Variants in UBLCP1 observed in about 807,000 individuals in gnomAD.
The protein encoded by UBLCP1 is ubiquitin like domain containing CTD phosphatase 1, also known as ubiquitin-like domain-containing CTD phosphatase 1.
In UBLCP1, 28 loss-of-function variants were observed where a neutral mutation model predicts 42.4. The ratio of observed to expected loss-of-function variants is 0.66; its 90% confidence interval spans 0.49 to 0.90. UBLCP1 has a LOEUF of 0.90. UBLCP1 is among the 40% of genes least tolerant of loss of function. The probability of loss-of-function intolerance (pLI) is 0.00; values close to 1 mark genes in which losing one functional copy is unlikely to be tolerated. For synonymous variants in UBLCP1, 122 were observed against 120.8 expected, an observed-to-expected ratio of 1.01 and a Z score of -0.07; for missense variants, 279 against 374.5, an observed-to-expected ratio of 0.75 and a Z score of 2.10.
rs1193919800 is a variant in UBLCP1, at chr5:159,272,049, G to A, written c.475G>A (p.Val159Ile). The A allele has an allele frequency of 1.2e-6, 2 of 1,613,316 alleles. No individual in the cohort carries two copies. Among genetic ancestry groups the A allele is most frequent in the East Asian group, 4.5e-5 (2 of 44,798 alleles). The change falls in exon 6 of 11, where the codon GTA becomes ATA. Residue 159 changes from valine to isoleucine, a missense_variant. Coordinates refer to ENST00000296786, the MANE Select transcript of UBLCP1 (RefSeq NM_145049.5). ...CCACAGGTCTTGTGCAGAGACTGGGGTAGAATTAATGCGGCCATATCTTCA... is the reference window on the plus strand; with the variant it reads ...CCACAGGTCTTGTGCAGAGACTGGGATAGAATTAATGCGGCCATATCTTCA... ...FDHRSCAETG[V>I]ELMRPYLHEF...
intron 6 of UBLCP1, 172 bp from the exon 7 acceptor site, chr5:159,274,413 G>C (rs1301411700): frequency 1.9e-6 from 1 of 526,900 alleles, no homozygotes; most frequent in Non-Finnish European, 3.4e-6. Context: ...ACACACTGCA[G>C]TAAGTTTACT....
At chr5:159,283,690 C>G (rs994162448) in intron 10 of UBLCP1, among the ~76,000 whole-genome samples, 1 of 151,996 alleles carries the variant, frequency 6.6e-6, no homozygotes, top group Non-Finnish European at 1.5e-5. Flanking sequence ...CATACTGTAA[C>G]TTAATGTCAG....
In UBLCP1 at chr5:159,285,244, A is replaced by ACACACAC. The variant is rs1491169745; in HGVS notation, c.*313_*314insCACACAC. ...CACACACACACACACACACACACAC[A>ACACACAC]AAGTGGAGAAAAATGTATACTCAAC... On this transcript the variant is annotated 3_prime_UTR_variant, in exon 11 of 11. Coordinates refer to ENST00000296786, the MANE Select transcript of UBLCP1 (RefSeq NM_145049.5). 6.5e-4 allele frequency: 89 copies of ACACACAC among 137,594 alleles called. 12 individuals carry two copies. Among genetic ancestry groups the ACACACAC allele is most frequent in the East Asian group, 2.7e-3 (17 of 6,378 alleles). 8.5% of individuals were successfully genotyped at this position (137,594 alleles called of 1,614,324 possible).
At chr5:159,267,020 C>T (rs1037062995) in intron 1 of UBLCP1, among the ~76,000 whole-genome samples, 3 of 152,198 alleles carry the variant, frequency 2.0e-5, no homozygotes, top group African/African-American at 7.2e-5. Context: ...AGCCCCCATA[C>T]AGAGTCCCTA....
intron 8 of UBLCP1, among the ~76,000 whole-genome samples, chr5:159,275,621 C>G (rs765583690): frequency 6.6e-6 from 1 of 151,986 alleles, no homozygotes; most frequent in Non-Finnish European, 1.5e-5. Flanking sequence ...CTGTTGTTAG[C>G]CAGGATGGTC....
intron 1 of UBLCP1, among the ~76,000 whole-genome samples, chr5:159,267,488 C>T (rs1753413590): frequency 6.6e-6 from 1 of 152,150 alleles, no homozygotes; most frequent in East Asian, 1.9e-4. Context: ...AGACTTTGGA[C>T]TGTGGACTTT....
At chr5:159,271,699 AGTTT>A (rs957558605) in intron 5 of UBLCP1, among the ~76,000 whole-genome samples, 29 of 152,212 alleles carry the variant, frequency 1.9e-4, no homozygotes, top group African/African-American at 7.0e-4. Flanking sequence ...AAGTGGACAT[AGTTT>A]GTTTTTCATT....
chr5:159,263,987 A>C (rs1037060035), intron 1 of UBLCP1, among the ~76,000 whole-genome samples: 28 of 152,336 alleles, frequency 1.8e-4, no homozygotes, highest in African/African-American at 6.0e-4. Context: ...AGGATTGTGA[A>C]GCTTCAATGA....
intron 6 of UBLCP1, among the ~76,000 whole-genome samples, chr5:159,273,299 T>C (rs970198975): frequency 3.3e-5 from 5 of 152,364 alleles, no homozygotes; most frequent in East Asian, 3.9e-4. Context: ...ACTAGACTTA[T>C]AAAATTTGAG....
At position 159,283,804 on chromosome 5, in the gene UBLCP1, AT is replaced by A. The variant is rs1295479478; in HGVS notation, c.929+467del. 2.0e-5 allele frequency among the ~76,000 whole-genome samples: 3 copies of A among 152,122 alleles called. No individual in the cohort carries two copies. In the East Asian group the frequency reaches 5.8e-4, roughly 29 times the overall value. On this transcript the variant is annotated intron_variant, in intron 10 of 10. Coordinates refer to ENST00000296786, the MANE Select transcript of UBLCP1 (RefSeq NM_145049.5). ...AAAAGTTTATCCTACTAAAAAAACAATTACTCATAATTTTCCTTTTTAAAGA... is the reference window on the plus strand; with the variant it reads ...AAAAGTTTATCCTACTAAAAAAACAATACTCATAATTTTCCTTTTTAAAGA...
chr5:159,278,210 T>G (rs774564045), intron 8 of UBLCP1, 28 bp from the exon 9 acceptor site: 3 of 1,467,710 alleles, frequency 2.0e-6, no homozygotes, highest in South Asian at 1.1e-5. Context: ...TGATAAAATT[T>G]GAGTTAAATG....
intron 7 of UBLCP1, 131 bp downstream of exon 7, chr5:159,274,753 G>A (rs1753512721): frequency 2.7e-6 from 2 of 748,254 alleles, no homozygotes; most frequent in Non-Finnish European, 2.2e-6. Context: ...ATTATTGGGA[G>A]TAGAGGTGTT....
intron 10 of UBLCP1, 115 bp downstream of exon 10, chr5:159,283,454 G>A: frequency 1.1e-6 from 1 of 914,096 alleles, no homozygotes; most frequent in Non-Finnish European, 1.6e-6. Flanking sequence ...TAAAATAGGT[G>A]ACTTCTAAAA....
At chr5:159,264,657 C>A (rs1426095085) in intron 1 of UBLCP1, among the ~76,000 whole-genome samples, 1 of 152,204 alleles carries the variant, frequency 6.6e-6, no homozygotes, top group East Asian at 1.9e-4. Flanking sequence ...GCCTGTAGTA[C>A]TGACTCTCAA....
In UBLCP1 at chr5:159,278,273, G is replaced by A. The variant is rs1191047346; in HGVS notation, c.720G>A (p.Ser240=). The A allele has an allele frequency of 1.8e-5, 29 of 1,613,538 alleles. No homozygotes were observed. Among genetic ancestry groups the A allele is most frequent in the East Asian group, 6.7e-5 (3 of 44,838 alleles). ...TTGGTGTTATATGGGGAAAGTTTTC[G>A]GAGTTTTACAGCAAGAAAAACACCA... The part of the protein sequence containing the change: ...KPLGVIWGKF[S]EFYSKKNTIM... Residue 240 remains serine, a synonymous_variant, in exon 9 of 11, where the codon TCG becomes TCA. Transcript: ENST00000296786.
Position 159,278,235 on chromosome 5 carries a change from A to C in UBLCP1, c.685-3A>C, listed in dbSNP as rs1330682829. The C allele has an allele frequency of 6.3e-7, 1 of 1,594,342 alleles. No homozygotes were observed. Among genetic ancestry groups the C allele is most frequent in the Admixed American group, 1.7e-5 (1 of 59,322 alleles). On this transcript the variant is annotated splice_polypyrimidine_tract_variant and splice_region_variant and intron_variant, in intron 8 of 10. Transcript: ENST00000296786. ...TGAGTTAAATGTAAACTTTTATTCT[A>C]AGGTAAAGCCTCTTGGTGTTATATG...
chr5:159,278,181 T>C, intron 8 of UBLCP1, 57 bp from the exon 9 acceptor site: 1 of 1,275,342 alleles, frequency 7.8e-7, no homozygotes, highest in Non-Finnish European at 1.1e-6. Flanking sequence ...ATTCCTGCTT[T>C]TAAGACAGGA....
intron 1 of UBLCP1, among the ~76,000 whole-genome samples, chr5:159,268,366 G>A (rs73307749): frequency 0.1 from 15,788 of 152,200 alleles, 856 homozygotes; most frequent in Middle Eastern, 0.17. Context: ...CTAAGAAGTA[G>A]GTAGTATCAT....
intron 9 of UBLCP1, among the ~76,000 whole-genome samples, chr5:159,278,573 A>G (rs938639719): frequency 6.6e-6 from 1 of 151,802 alleles, no homozygotes; most frequent in Non-Finnish European, 1.5e-5. Flanking sequence ...TTGTTTGTTT[A>G]TTTATTTATT....
Sources: gnomAD v4.1 joint callset for allele counts (sites outside exome capture counted in the v4.1 genomes callset) on GRCh38, gnomAD v4.1.1 for gene constraint, MANE v1.5 for transcripts, NCBI Gene and HGNC (gene_info 2026-07-23, HGNC 2026-07-21) for gene names.